The following GRAMD4 variants were observed in gnomAD, a reference collection of about 807,000 sequenced individuals.
GRAMD4 encodes GRAM domain containing 4, also known as GRAM domain-containing protein 4.
Under a neutral mutation model 83.9 loss-of-function variants are expected in GRAMD4, and 25 were observed. That is an observed-to-expected ratio of 0.30 (90% CI 0.22 to 0.42). The LOEUF (loss-of-function observed/expected upper bound fraction) is 0.42, where lower values mean the gene tolerates loss of function less well. Ranked by LOEUF, GRAMD4 falls within the 10% of genes least tolerant of loss-of-function variation. The pLI is 1.00. For synonymous variants in GRAMD4, 336 were observed against 320.9 expected (o/e 1.05, Z -0.50); for missense variants, 593 against 788.7 (o/e 0.75, Z 2.97).
intron 13 of GRAMD4, among the ~76,000 whole-genome samples, 179 bp downstream of exon 13, chr22:46,669,087 C>G (rs1003175014): frequency 1.3e-5 from 2 of 152,040 alleles, no homozygotes; most frequent in Admixed American, 1.3e-4. Context: ...TCGAGGGACA[C>G]GGTGATTGTT....
intron 3 of GRAMD4, among the ~76,000 whole-genome samples, chr22:46,639,931 G>A (rs1034957991): frequency 4.6e-5 from 7 of 152,226 alleles, no homozygotes; most frequent in South Asian, 4.2e-4. Flanking sequence ...CCCGATGACC[G>A]TCCTGGTGAC....
chr22:46,580,994 A>T, intron 1 of GRAMD4, among the ~76,000 whole-genome samples: 1 of 151,074 alleles, frequency 6.6e-6, no homozygotes, highest in Admixed American at 6.6e-5. Context: ...AGAAAGAAAG[A>T]AAAAAGAAAA....
chr22:46,603,513 C>CTTTTTTT (rs1569254347), intron 1 of GRAMD4, among the ~76,000 whole-genome samples: 4,207 of 105,636 alleles, frequency 0.04, 792 homozygotes, highest in African/African-American at 0.064. Context: ...CCGGCCTCTT[C>CTTTTTTT]TCTTTTTTTT....
chr22:46,577,224 G>A, exon 1 of GRAMD4: 1 of 945,190 alleles, frequency 1.1e-6, no homozygotes, highest in South Asian at 4.9e-5. Flanking sequence ...GGCGTAGCGC[G>A]GCCGGGCGGC....
chr22:46,666,576 C>A (rs552220901), intron 9 of GRAMD4, among the ~76,000 whole-genome samples: 29 of 152,340 alleles, frequency 1.9e-4, no homozygotes, highest in African/African-American at 6.5e-4. Flanking sequence ...TCTCCCACAC[C>A]GCTGGCCACT....
At chr22:46,673,566 A>G in intron 14 of GRAMD4, 104 bp from the exon 15 acceptor site, 1 of 1,429,534 alleles carries the variant, frequency 7.0e-7, no homozygotes, top group Non-Finnish European at 9.5e-7. Context: ...ACGTCTTCCC[A>G]AATTTGGATC....
At chr22:46,644,111 A>C (rs1014182891) in intron 3 of GRAMD4, among the ~76,000 whole-genome samples, 1 of 152,262 alleles carries the variant, frequency 6.6e-6, no homozygotes, top group African/African-American at 2.4e-5. Context: ...CACTTTCTGC[A>C]TACTCACATT....
In GRAMD4 at chr22:46,667,784, G is replaced by C. The variant is rs189654589; in HGVS notation, c.859-312G>C. Among the ~76,000 whole-genome samples, 543 of 152,384 alleles carry C rather than the reference G, an allele frequency of 3.6e-3. 1 individual carries two copies. The highest frequency in any genetic ancestry group is 8.4e-3 in the Admixed American group (128 of 15,310). On this transcript the variant is annotated intron_variant, in intron 10 of 18. Coordinates refer to ENST00000406902, the MANE Select transcript of GRAMD4 (RefSeq NM_015124.5). The stretch of plus-strand genomic sequence containing the variant: ...CAGGGCTCCCATTGGCTGGGCCTCA[G>C]TTTCCCTGCCTGTAAGTGAGGGAGG...
intron 17 of GRAMD4, among the ~76,000 whole-genome samples, chr22:46,675,984 C>T (rs1432268595): frequency 2.0e-5 from 3 of 152,210 alleles, no homozygotes; most frequent in Non-Finnish European, 4.4e-5. Context: ...AGCAGGTGGG[C>T]GTGGCCACAA....
At chr22:46,610,029 G>A (rs942161629) in intron 1 of GRAMD4, among the ~76,000 whole-genome samples, 7 of 152,168 alleles carry the variant, frequency 4.6e-5, no homozygotes, top group Non-Finnish European at 7.4e-5. Context: ...AAGCCCCCAG[G>A]CTACGGCCCA....
intron 1 of GRAMD4, among the ~76,000 whole-genome samples, chr22:46,587,004 G>A (rs1393969719): frequency 1.3e-5 from 2 of 152,188 alleles, no homozygotes; most frequent in African/African-American, 2.4e-5. Context: ...GAACCGGACC[G>A]TAACTACCCT....
chr22:46,615,659 C>T (rs556060300), upstream of GRAMD4, among the ~76,000 whole-genome samples: 3 of 103,662 alleles, frequency 2.9e-5, no homozygotes, highest in African/African-American at 1.1e-4. Flanking sequence ...CGTGTAGGTT[C>T]CCCCGTGCGT....
chr22:46,591,315 T>G (rs2081205415), intron 1 of GRAMD4, among the ~76,000 whole-genome samples: 3 of 151,998 alleles, frequency 2.0e-5, no homozygotes, highest in South Asian at 4.2e-4. Context: ...CTCAGGAGTT[T>G]GAGAACGGCC....
intron 4 of GRAMD4, among the ~76,000 whole-genome samples, chr22:46,658,611 A>G (rs2082280686): frequency 6.6e-6 from 1 of 152,052 alleles, no homozygotes; most frequent in Non-Finnish European, 1.5e-5. Context: ...GAGGCTTGGC[A>G]TGGGGCCTGC....
intron 11 of GRAMD4, 27 bp downstream of exon 11, chr22:46,668,194 T>G: frequency 6.4e-7 from 1 of 1,556,998 alleles, no homozygotes; most frequent in Non-Finnish European, 8.8e-7. Flanking sequence ...CGGCCAGGGG[T>G]GTGTCTGCGC....
intron 1 of GRAMD4, 45 bp from the exon 2 acceptor site, chr22:46,626,706 C>A: frequency 2.3e-6 from 3 of 1,291,150 alleles, no homozygotes; most frequent in South Asian, 1.3e-5. Flanking sequence ...GCTCGTGGGG[C>A]TTGGAGGTGG....
intron 3 of GRAMD4, among the ~76,000 whole-genome samples, chr22:46,648,349 GATGGATGGATGA>G (rs1429915509): frequency 1.1e-4 from 16 of 142,752 alleles, no homozygotes; most frequent in Non-Finnish European, 2.2e-4. Context: ...TGGATGGATG[GATGGATGGATGA>G]ATGGGTGAGT....
chr22:46,654,279 C>T (rs1188026787), intron 3 of GRAMD4, among the ~76,000 whole-genome samples: 3 of 152,224 alleles, frequency 2.0e-5, no homozygotes, highest in Non-Finnish European at 4.4e-5. Flanking sequence ...CTCCTCCTGC[C>T]TTGGGGCATG....
At chr22:46,645,566 A>T (rs2082061528) in intron 3 of GRAMD4, among the ~76,000 whole-genome samples, 1 of 152,040 alleles carries the variant, frequency 6.6e-6, no homozygotes, top group Non-Finnish European at 1.5e-5. Flanking sequence ...TTAAAATCCC[A>T]CTCAATTATC....
Sources: gnomAD v4.1 joint callset for allele counts (sites outside exome capture counted in the v4.1 genomes callset) on GRCh38, gnomAD v4.1.1 for gene constraint, MANE v1.5 for transcripts, NCBI Gene and HGNC (gene_info 2026-07-23, HGNC 2026-07-21) for gene names.